Variants in AP4E1 observed in about 807,000 individuals in gnomAD.
AP4E1 encodes the protein adaptor related protein complex 4 subunit epsilon 1.
Under a neutral mutation model 128.2 loss-of-function variants are expected in AP4E1, and 56 were observed. The ratio of observed to expected loss-of-function variants is 0.44; its 90% CI spans 0.35 to 0.55. The LOEUF is 0.55. Ranked by LOEUF, AP4E1 falls within the 20% of genes least tolerant of loss-of-function variation. The probability of loss-of-function intolerance (pLI) is 0.00; values close to 1 mark genes in which losing one functional copy is unlikely to be tolerated. For synonymous variants in AP4E1, 484 were observed against 473.1 expected (o/e 1.02, Z -0.30); for missense variants, 1,324 against 1,307.7 (o/e 1.01, Z -0.19).
intron 14 of AP4E1, among the ~76,000 whole-genome samples, chr15:50,960,490 A>G (rs1462504354): frequency 2.0e-5 from 1 of 49,122 alleles, no homozygotes; most frequent in African/African-American, 6.5e-5. Flanking sequence ...TGAACAAATA[A>G]TATGAAAATC....
intron 13 of AP4E1, among the ~76,000 whole-genome samples, chr15:50,954,788 G>A (rs1305637853): frequency 6.6e-6 from 1 of 152,138 alleles, no homozygotes; most frequent in Non-Finnish European, 1.5e-5. Context: ...TTGATGTGCT[G>A]CACCCATTAA....
At chr15:50,998,552 C>T (rs2140936091) in intron 18 of AP4E1, among the ~76,000 whole-genome samples, 1 of 152,094 alleles carries the variant, frequency 6.6e-6, no homozygotes, top group South Asian at 2.1e-4. Context: ...ATTGCTTGAA[C>T]CTGGGAGACG....
At chr15:50,996,027 TACCCAG>T (rs952975008) in intron 17 of AP4E1, among the ~76,000 whole-genome samples, 10 of 144,758 alleles carry the variant, frequency 6.9e-5, no homozygotes, top group African/African-American at 2.6e-4. Flanking sequence ...CTTGCTCTGT[TACCCAG>T]GTTGGAGTGC....
intron 14 of AP4E1, among the ~76,000 whole-genome samples, chr15:50,962,393 A>G (rs2064327740): frequency 1.3e-5 from 2 of 152,246 alleles, no homozygotes; most frequent in Admixed American, 6.5e-5. Flanking sequence ...ACAACATGGT[A>G]TTGGTATAAA....
At position 50,984,054 on chromosome 15, in the gene AP4E1, T is replaced by C. The variant is rs1427402932; in HGVS notation, c.1999T>C (p.Ser667Pro). Residue 667 changes from serine to proline, a missense_variant, in exon 16 of 21, where the codon TCT becomes CCT. Physicochemically the swap from Ser to Pro is moderately conservative, Grantham distance 74 (BLOSUM62 -1). Transcript: ENST00000261842. ...TTTTGAACCATATGGACTCTCCTTTTCTTCATCTGGCTTCACTGGACGACA... is the reference window on the plus strand; with the variant it reads ...TTTTGAACCATATGGACTCTCCTTTCCTTCATCTGGCTTCACTGGACGACA... ...LNFEPYGLSF[S>P]SSGFTGRQSP... 6.2e-7 allele frequency: 1 copy of C among 1,613,378 alleles called. No individual in the cohort carries two copies. The highest frequency in any genetic ancestry group is 8.5e-7 in the Non-Finnish European group (1 of 1,179,438).
intron 13 of AP4E1, among the ~76,000 whole-genome samples, chr15:50,956,892 T>C (rs959705901): frequency 1.3e-5 from 2 of 152,284 alleles, no homozygotes; most frequent in African/African-American, 4.8e-5. Context: ...CTTCACTTAC[T>C]CATCCTGTAG....
At chr15:50,912,543 C>G (rs2063577898) in intron 2 of AP4E1, among the ~76,000 whole-genome samples, 1 of 151,966 alleles carries the variant, frequency 6.6e-6, no homozygotes, top group Non-Finnish European at 1.5e-5. Flanking sequence ...AAAGTTTGTT[C>G]TACATAATCT....
At chr15:50,988,272 G>C (rs2064756154) in intron 16 of AP4E1, among the ~76,000 whole-genome samples, 1 of 152,080 alleles carries the variant, frequency 6.6e-6, no homozygotes, top group African/African-American at 2.4e-5. Flanking sequence ...CTAGAACTCA[G>C]TTCTGCTGAT....
chr15:50,948,057 A>G lies in AP4E1; in HGVS notation c.1214A>G (p.Asn405Ser). ...ELLYRITNAQ[N>S]ITVIVQKMLE... ...CTTTACAGAATTACTAATGCACAGA[A>G]TATAACAGTTATTGTCCAGAAAATG... The change falls in exon 11 of 21, where the codon AAT becomes AGT. Residue 405 changes from asparagine (N) to serine (S), a missense_variant. Asn to Ser is a conservative substitution (Grantham distance 46). Transcript: ENST00000261842. 1 of 1,610,062 alleles carries G rather than the reference A, an allele frequency of 6.2e-7. No individual in the cohort carries two copies. Among genetic ancestry groups the G allele is most frequent in the Non-Finnish European group, 8.5e-7 (1 of 1,176,528 alleles).
chr15:50,986,000 G>A (rs2064717806), intron 16 of AP4E1, among the ~76,000 whole-genome samples: 1 of 152,172 alleles, frequency 6.6e-6, no homozygotes, highest in Non-Finnish European at 1.5e-5. Flanking sequence ...GCAGTGGTTT[G>A]TAGTTCTGCT....
intron 20 of AP4E1, 44 bp from the exon 21 acceptor site, chr15:51,002,458 A>G: frequency 6.2e-7 from 1 of 1,602,116 alleles, no homozygotes; most frequent in Non-Finnish European, 8.5e-7. Context: ...TGTCTGTTTA[A>G]CTCCTTTTGC....
At chr15:50,959,293 A>G (rs1159390523) in intron 14 of AP4E1, among the ~76,000 whole-genome samples, 1 of 152,184 alleles carries the variant, frequency 6.6e-6, no homozygotes, top group Non-Finnish European at 1.5e-5. Context: ...AATTACAAAG[A>G]GAGAATTCTA....
chr15:50,952,882 A>G (rs1395056968), intron 13 of AP4E1, among the ~76,000 whole-genome samples: 1 of 152,168 alleles, frequency 6.6e-6, no homozygotes, highest in Non-Finnish European at 1.5e-5. Context: ...CAGGATATAT[A>G]TAATATCAGT....
chr15:50,917,195 G>A (rs1446226824), intron 3 of AP4E1, among the ~76,000 whole-genome samples: 1 of 152,140 alleles, frequency 6.6e-6, no homozygotes, highest in Non-Finnish European at 1.5e-5. Flanking sequence ...TTCAACCATT[G>A]TTGAGCATTT....
At chr15:50,947,920 A>C in intron 10 of AP4E1, 100 bp from the exon 11 acceptor site, 2 of 978,826 alleles carry the variant, frequency 2.0e-6, no homozygotes, top group Non-Finnish European at 3.0e-6. Flanking sequence ...TCTCCATAAA[A>C]GTAGAAGAAT....
chr15:50,936,352 A>G (rs543237156), intron 8 of AP4E1, among the ~76,000 whole-genome samples: 1 of 151,926 alleles, frequency 6.6e-6, no homozygotes, highest in Non-Finnish European at 1.5e-5. Flanking sequence ...ATTCAGTTAA[A>G]AATCTGCTTT....
chr15:50,959,115 A>G (rs2127366), intron 14 of AP4E1, among the ~76,000 whole-genome samples: 72,826 of 151,620 alleles, frequency 0.48, 17,789 homozygotes, highest in East Asian at 0.59. Flanking sequence ...GGAGACTGAG[A>G]CAGGAGAATT....
intron 17 of AP4E1, 45 bp from the exon 18 acceptor site, chr15:50,997,281 T>G (rs1273706826): frequency 9.5e-6 from 14 of 1,480,620 alleles, no homozygotes; most frequent in Non-Finnish European, 1.2e-5. Flanking sequence ...AACTCATGAC[T>G]AGTAGAATGA....
intron 14 of AP4E1, 105 bp downstream of exon 14, chr15:50,958,899 G>A: frequency 1.6e-6 from 2 of 1,229,972 alleles, no homozygotes; most frequent in South Asian, 2.5e-5. Flanking sequence ...GGTTTCTGTA[G>A]CATTTAAGGT....
Sources: gnomAD v4.1 joint callset for allele counts (sites outside exome capture counted in the v4.1 genomes callset) on GRCh38, gnomAD v4.1.1 for gene constraint, MANE v1.5 for transcripts, NCBI Gene and HGNC (gene_info 2026-07-23, HGNC 2026-07-21) for gene names.